NXN: variants seen among roughly 807,000 people sequenced by gnomAD.
NXN encodes nucleoredoxin 1.
Under a neutral mutation model 48.6 loss-of-function variants are expected in NXN, and 16 were observed. The ratio of observed to expected loss-of-function variants is 0.33; its 90% CI spans 0.22 to 0.50. The LOEUF (loss-of-function observed/expected upper bound fraction) is 0.50, where lower values mean the gene tolerates loss of function less well. NXN is among the 20% of genes least tolerant of loss of function. The pLI is 0.98. For synonymous variants in NXN, 281 were observed against 269.6 expected, an observed-to-expected ratio of 1.04 and a Z score of -0.41; for missense variants, 492 against 605.5, an observed-to-expected ratio of 0.81 and a Z score of 1.97.
At chr17:821,665 G>A (rs184771886) in intron 4 of NXN, among the ~76,000 whole-genome samples, 2,321 of 82,032 alleles carry the variant, frequency 0.028, 873 homozygotes, top group South Asian at 0.07. Context: ...GCAGGAGAAT[G>A]GCGTGAACCC....
chr17:937,925 A>G (rs1030807373), intron 1 of NXN, among the ~76,000 whole-genome samples: 3 of 152,238 alleles, frequency 2.0e-5, no homozygotes, highest in South Asian at 4.1e-4. Context: ...GAGGGAAGAA[A>G]AACGCTGCGC....
At chr17:969,467 T>C (rs563770904) in intron 1 of NXN, among the ~76,000 whole-genome samples, 3 of 152,226 alleles carry the variant, frequency 2.0e-5, no homozygotes, top group Admixed American at 6.5e-5. Context: ...ATTTTTACAA[T>C]TGCAGTCAAG....
At chr17:977,269 T>C (rs1430650243) in intron 1 of NXN, among the ~76,000 whole-genome samples, 3 of 152,126 alleles carry the variant, frequency 2.0e-5, no homozygotes, top group Non-Finnish European at 4.4e-5. Flanking sequence ...TCAGAAAAAC[T>C]CTGGGCCAAA....
intron 1 of NXN, among the ~76,000 whole-genome samples, chr17:946,584 G>A (rs778245825): frequency 6.6e-5 from 10 of 152,190 alleles, no homozygotes; most frequent in Non-Finnish European, 1.0e-4. Context: ...GCCCACTAAC[G>A]CCCTGGCTGA....
rs1473961633 is a variant in NXN, at chr17:978,260, TCA to T, written c.360+1057_360+1058del. On this transcript the variant is annotated intron_variant, in intron 1 of 7. Coordinates refer to ENST00000336868, the MANE Select transcript of NXN (RefSeq NM_022463.5). This position sits in a 1 kb window ranked among gnomAD's most constrained non-coding sequence, Gnocchi z 4.1. ...GATTCACACGTTGCATCATATACAC[TCA>T]CGAAGCAACAGCGCTCCAAAACTTT... is the stretch of plus-strand genomic sequence containing the variant. The T allele has an allele frequency of 6.6e-6, 1 of 152,096 alleles. No homozygotes were observed. The highest frequency in any genetic ancestry group is 1.5e-5 in the Non-Finnish European group (1 of 68,032). 9.4% of individuals were successfully genotyped at this position (152,096 alleles called of 1,614,324 possible). A position where few individuals can be genotyped will look rare whatever the true frequency, so the allele number is the denominator to read the frequency against.
intron 1 of NXN, among the ~76,000 whole-genome samples, chr17:963,938 G>A (rs1169015004): frequency 2.0e-5 from 3 of 150,682 alleles, no homozygotes; most frequent in Non-Finnish European, 3.0e-5. Context: ...TCAGCCGGGC[G>A]TGGTGGCGGG....
At chr17:824,487 G>A (rs951801877) in intron 2 of NXN, among the ~76,000 whole-genome samples, 5 of 152,128 alleles carry the variant, frequency 3.3e-5, no homozygotes, top group African/African-American at 9.7e-5. Context: ...TCATCGCCTC[G>A]GGGCCTCGGG....
In NXN at chr17:897,057, G is replaced by A. The variant is rs541370827; in HGVS notation, c.361-70979C>T. 1.4e-5 allele frequency: 15 copies of A among 1,064,824 alleles called. No homozygotes were observed. In the South Asian group the frequency reaches 2.5e-4, roughly 18 times the overall value. 66.0% of individuals were successfully genotyped at this position (1,064,824 alleles called of 1,614,324 possible). A position where few individuals can be genotyped will look rare whatever the true frequency, so the allele number is the denominator to read the frequency against. On this transcript the variant is annotated intron_variant, in intron 1 of 7. Coordinates refer to ENST00000336868, the MANE Select transcript of NXN (RefSeq NM_022463.5). ...TAACAACAGCGTCACTGTCACACAC[G>A]CGTGAGCTTTGACAGCCAGGGACTG...
intron 1 of NXN, among the ~76,000 whole-genome samples, chr17:851,802 G>C (rs1163737222): frequency 6.6e-6 from 1 of 152,252 alleles, no homozygotes; most frequent in African/African-American, 2.4e-5. Context: ...TAGAGGCTAA[G>C]TGTCAAAATG....
intron 1 of NXN, among the ~76,000 whole-genome samples, chr17:918,996 T>A (rs561981347): frequency 6.7e-6 from 1 of 149,928 alleles, no homozygotes; most frequent in East Asian, 2.0e-4. Context: ...GGCCAGGAGT[T>A]TGAGGCTGCA....
intron 1 of NXN, among the ~76,000 whole-genome samples, chr17:946,752 A>G (rs1597265186): frequency 6.6e-6 from 1 of 152,184 alleles, no homozygotes; most frequent in Non-Finnish European, 1.5e-5. Context: ...CGGCCAGCAC[A>G]TCTCCGCATC....
intron 5 of NXN, among the ~76,000 whole-genome samples, chr17:815,448 A>AAAGCGCAG (rs1912414696): frequency 6.7e-6 from 1 of 150,360 alleles, no homozygotes. Flanking sequence ...TAAGCTCTGT[A>AAAGCGCAG]GGTTTTGAAG....
At chr17:902,797 T>TA (rs2068548941) in intron 1 of NXN, among the ~76,000 whole-genome samples, 1 of 150,162 alleles carries the variant, frequency 6.7e-6, no homozygotes, top group African/African-American at 2.5e-5. Flanking sequence ...TTTTTTTTTT[T>TA]AAGACTGACT....
intron 1 of NXN, among the ~76,000 whole-genome samples, chr17:952,812 C>G (rs2069127085): frequency 9.0e-6 from 1 of 110,848 alleles, no homozygotes; most frequent in Non-Finnish European, 2.1e-5. Context: ...GACGGTCACA[C>G]TGTGGGGGGG....
intron 1 of NXN, among the ~76,000 whole-genome samples, chr17:833,303 G>T (rs1224772555): frequency 6.6e-6 from 1 of 152,132 alleles, no homozygotes; most frequent in East Asian, 1.9e-4. Flanking sequence ...AAAGCATGAA[G>T]GTTACTCGGC....
In NXN at chr17:839,648, A is replaced by G. The variant is rs376802308; in HGVS notation, c.361-13570T>C. 2.6e-5 allele frequency among the ~76,000 whole-genome samples: 4 copies of G among 151,244 alleles called. No homozygotes were observed. The East Asian group carries it at 5.9e-4, about 22-fold the overall frequency. On this transcript the variant is annotated intron_variant, in intron 1 of 7. Coordinates refer to ENST00000336868, the MANE Select transcript of NXN (RefSeq NM_022463.5). ...ACATGGTGAAATCTCATCTCTAAAA[A>G]AAAATTAGCCTGGCATGGTGGCACA...
intron 1 of NXN, among the ~76,000 whole-genome samples, chr17:914,466 G>A (rs927679764): frequency 6.6e-5 from 10 of 152,134 alleles, no homozygotes; most frequent in Admixed American, 1.3e-4. Flanking sequence ...TACCACGCCC[G>A]GCCAGAAGGA....
intron 1 of NXN, among the ~76,000 whole-genome samples, chr17:866,128 G>C (rs1475263337): frequency 6.6e-6 from 1 of 152,158 alleles, no homozygotes; most frequent in Non-Finnish European, 1.5e-5. Context: ...ATACAATGCT[G>C]TTATTGCAAC....
At chr17:862,989 A>G (rs1417247162) in intron 1 of NXN, among the ~76,000 whole-genome samples, 2 of 152,188 alleles carry the variant, frequency 1.3e-5, no homozygotes, top group Admixed American at 6.5e-5. Context: ...TAGGAATGAA[A>G]TATCATGATA....
Sources: gnomAD v4.1 joint callset for allele counts (sites outside exome capture counted in the v4.1 genomes callset) on GRCh38, gnomAD v4.1.1 for gene constraint, Gnocchi (gnomAD v3.1) non-coding constraint, MANE v1.5 for transcripts, NCBI Gene and HGNC (gene_info 2026-07-23, HGNC 2026-07-21) for gene names.